Variants in RFPL1 observed in about 807,000 individuals in gnomAD.
RFPL1 encodes ret finger protein like 1, also known as ret finger protein-like 1.
A neutral mutation model predicts 9.6 loss-of-function variants in RFPL1; 6 were observed. That is an observed-to-expected ratio of 0.62 (90% CI 0.34 to 1.23). The LOEUF is 1.23. RFPL1 is among the 50% of genes most tolerant of loss of function. The pLI is 0.03. For missense variants in RFPL1, 352 were observed against 398.4 expected (o/e 0.88, Z 0.99); for synonymous variants, 145 against 149.4 (o/e 0.97, Z 0.22).
chr22:29,387,930 A>G, the RFPL1 span, among the ~76,000 whole-genome samples: 1 of 152,222 alleles, frequency 6.6e-6, no homozygotes, highest in African/African-American at 2.4e-5. Flanking sequence ...CGGTGTCTCC[A>G]TTCAGTTAAC....
the RFPL1 span, among the ~76,000 whole-genome samples, chr22:29,420,734 G>A: frequency 3.5e-4 from 52 of 146,538 alleles, no homozygotes; most frequent in Non-Finnish European, 9.0e-5. Flanking sequence ...TCCACATCCC[G>A]GGTTCAAGCA....
At chr22:29,424,554 T>A in the RFPL1 span, among the ~76,000 whole-genome samples, 1 of 151,650 alleles carries the variant, frequency 6.6e-6, no homozygotes, top group Non-Finnish European at 1.5e-5. Context: ...GGAGACCATC[T>A]CAGGTCTACC....
At chr22:29,432,330 G>A in the RFPL1 span, among the ~76,000 whole-genome samples, 1 of 152,134 alleles carries the variant, frequency 6.6e-6, no homozygotes, top group Non-Finnish European at 1.5e-5. Context: ...TGTGTCTGGA[G>A]CCCCCCTCCT....
At chr22:29,430,791 A>G in the RFPL1 span, among the ~76,000 whole-genome samples, 1 of 152,234 alleles carries the variant, frequency 6.6e-6, no homozygotes, top group African/African-American at 2.4e-5. Context: ...TTAATGCCAG[A>G]TATTTCATTG....
the RFPL1 span, among the ~76,000 whole-genome samples, chr22:29,426,103 G>T: frequency 1.3e-5 from 2 of 151,972 alleles, no homozygotes; most frequent in African/African-American, 4.8e-5. Flanking sequence ...CGGGCGGATC[G>T]CCTGAGGTCA....
At chr22:29,388,071 G>C in the RFPL1 span, among the ~76,000 whole-genome samples, 3 of 152,280 alleles carry the variant, frequency 2.0e-5, no homozygotes, top group African/African-American at 7.2e-5. Context: ...CCTGAACAAC[G>C]AGGAGGCCTC....
chr22:29,421,034 G>T, the RFPL1 span, among the ~76,000 whole-genome samples: 1 of 151,778 alleles, frequency 6.6e-6, no homozygotes, highest in Non-Finnish European at 1.5e-5. Context: ...CCTCCATTTC[G>T]CAGTGAGCAA....
At chr22:29,388,936 CG>C in the RFPL1 span, among the ~76,000 whole-genome samples, 4 of 152,098 alleles carry the variant, frequency 2.6e-5, no homozygotes, top group African/African-American at 9.7e-5. Context: ...TGCAGTGGCT[CG>C]AAGATCTGGG....
the RFPL1 span, among the ~76,000 whole-genome samples, chr22:29,396,904 T>C: frequency 1.5e-5 from 2 of 131,578 alleles, no homozygotes; most frequent in African/African-American, 6.0e-5. Flanking sequence ...CTTCTTTTTT[T>C]TTTTTTTTTT....
chr22:29,440,593 A>G (rs190197738), intron 1 of RFPL1: 1 of 151,362 alleles, frequency 6.6e-6, no homozygotes, highest in Non-Finnish European at 1.5e-5. Context: ...ATTTTTTGAG[A>G]TGGAGTCTCG....
the RFPL1 span, among the ~76,000 whole-genome samples, chr22:29,415,422 C>CG: frequency 6.6e-6 from 1 of 152,214 alleles, no homozygotes; most frequent in Non-Finnish European, 1.5e-5. Flanking sequence ...TGATCCTCTG[C>CG]GGGGGCCTGC....
chr22:29,439,290 A>C, intron 1 of RFPL1, 126 bp downstream of exon 1: 4 of 1,323,896 alleles, frequency 3.0e-6, no homozygotes, highest in Non-Finnish European at 4.2e-6. Flanking sequence ...ATGCTTCTTC[A>C]TCATCAGATT....
chr22:29,400,466 A>G, the RFPL1 span, among the ~76,000 whole-genome samples: 1 of 152,182 alleles, frequency 6.6e-6, no homozygotes, highest in Admixed American at 6.5e-5. Context: ...TTGATTTTGT[A>G]TCAGTCCGAA....
the RFPL1 span, among the ~76,000 whole-genome samples, chr22:29,411,678 A>T: frequency 6.6e-6 from 1 of 152,230 alleles, no homozygotes; most frequent in Non-Finnish European, 1.5e-5. Context: ...AGAGGAGCCC[A>T]CATTTGCACC....
At chr22:29,426,322 C>CA in the RFPL1 span, among the ~76,000 whole-genome samples, 16 of 143,072 alleles carry the variant, frequency 1.1e-4, no homozygotes, top group African/African-American at 2.3e-4. Context: ...AACTTCATGT[C>CA]AAAAAAAAAA....
the RFPL1 span, among the ~76,000 whole-genome samples, chr22:29,420,538 C>T: frequency 6.6e-6 from 1 of 150,764 alleles, no homozygotes; most frequent in Non-Finnish European, 1.5e-5. Context: ...ACCATGTTGG[C>T]CAGGCTGGTC....
the RFPL1 span, among the ~76,000 whole-genome samples, chr22:29,425,254 C>A: frequency 6.6e-6 from 1 of 151,660 alleles, no homozygotes; most frequent in Non-Finnish European, 1.5e-5. Context: ...ATAAAATAGG[C>A]ATTTGAATGG....
chr22:29,398,799 T>C, the RFPL1 span, among the ~76,000 whole-genome samples: 1 of 152,238 alleles, frequency 6.6e-6, no homozygotes, highest in African/African-American at 2.4e-5. Context: ...CAATGATTTG[T>C]AAGCACTGTC....
exon 2 of RFPL1, chr22:29,442,302 GCCACC>G (rs1385163344): frequency 4.4e-6 from 2 of 450,292 alleles, no homozygotes; most frequent in Non-Finnish European, 7.8e-6. Flanking sequence ...ATTAATTATT[GCCACC>G]ATCCAACTCA....
Sources: gnomAD v4.1 joint callset for allele counts (sites outside exome capture counted in the v4.1 genomes callset) on GRCh38, gnomAD v4.1.1 for gene constraint, MANE v1.5 for transcripts, NCBI Gene and HGNC (gene_info 2026-07-23, HGNC 2026-07-21) for gene names.